Variants in CTSB observed in about 807,000 individuals in gnomAD.
CTSB encodes APP secretase.
CTSB carries 57 observed loss-of-function variants against 44.3 expected under a neutral mutation model. The ratio of observed to expected loss-of-function variants is 1.29; its 90% CI spans 1.04 to 1.60. The LOEUF (loss-of-function observed/expected upper bound fraction) is 1.60, where lower values mean the gene tolerates loss of function less well. Among genes scored for constraint, CTSB ranks in the 40% most tolerant of loss-of-function variants. The pLI is 0.00. For missense variants in CTSB, 768 were observed against 443.0 expected (o/e 1.73, Z -6.59); for synonymous variants, 320 against 168.0 (o/e 1.91, Z -7.00).
chr8:11,861,294 G>T (rs1217825995), intron 1 of CTSB: 1 of 152,350 alleles, frequency 6.6e-6, no homozygotes, highest in Non-Finnish European at 1.5e-5. Flanking sequence ...CAGCAGTGAT[G>T]CTCACCAGCC....
chr8:11,845,302 A>C, intron 9 of CTSB, 80 bp from the exon 10 acceptor site: 1 of 1,098,156 alleles, frequency 9.1e-7, no homozygotes, highest in Non-Finnish European at 1.4e-6. Flanking sequence ...AAAGACCTTA[A>C]GTCACTCATC....
At chr8:11,856,464 T>C (rs930476892) in intron 1 of CTSB, among the ~76,000 whole-genome samples, 5 of 152,056 alleles carry the variant, frequency 3.3e-5, no homozygotes, top group Non-Finnish European at 7.4e-5. Flanking sequence ...ATACAAAAAA[T>C]TAGCCAGGCG....
In CTSB at chr8:11,850,770, C is replaced by G. The variant is rs555703405; in HGVS notation, c.327+96G>C. The G allele has an allele frequency of 2.9e-5, 22 of 764,022 alleles. No individual in the cohort carries two copies. In the East Asian group the frequency reaches 5.8e-4, roughly 20 times the overall value. 47.3% of individuals were successfully genotyped at this position (764,022 alleles called of 1,614,324 possible). The stretch of plus-strand genomic sequence containing the variant: ...GACTCAGAAAGTTTCTATAACTTGC[C>G]TTGTCAGAGTTGTCCCCACCCCGAA... On this transcript the variant is annotated intron_variant, in intron 4 of 9. Transcript: ENST00000353047.
At chr8:11,861,623 A>G (rs191283512) in intron 1 of CTSB, 11 of 152,366 alleles carry the variant, frequency 7.2e-5, no homozygotes, top group Admixed American at 5.9e-4. Flanking sequence ...AAACAAGACA[A>G]TTTAGTCAAT....
chr8:11,848,638 T>C, intron 5 of CTSB: 1 of 305,686 alleles, frequency 3.3e-6, no homozygotes, highest in East Asian at 7.9e-5. Flanking sequence ...AAGGCGAGGC[T>C]GCAGGCAGCT....
intron 1 of CTSB, among the ~76,000 whole-genome samples, chr8:11,864,829 G>A (rs1228097795): frequency 2.0e-5 from 3 of 151,796 alleles, no homozygotes; most frequent in African/African-American, 7.3e-5. Context: ...CAGGAACATT[G>A]CTTGAACCTG....
intron 8 of CTSB, 112 bp downstream of exon 8, chr8:11,846,940 A>T: frequency 1.4e-6 from 1 of 719,442 alleles, no homozygotes; most frequent in Non-Finnish European, 2.5e-6. Flanking sequence ...CCTCTTCCCC[A>T]GCCCCTCACC....
intron 8 of CTSB, chr8:11,846,010 A>T: frequency 2.5e-6 from 1 of 396,840 alleles, no homozygotes; most frequent in Non-Finnish European, 4.4e-6. Context: ...ATATTGAAAT[A>T]GATTCCTACA....
intron 8 of CTSB, 83 bp from the exon 9 acceptor site, chr8:11,845,872 C>G: frequency 6.9e-7 from 1 of 1,456,850 alleles, no homozygotes; most frequent in Non-Finnish European, 9.1e-7. Flanking sequence ...GCTGGTCATG[C>G]TCCGGGAAGG....
Position 11,849,184 on chromosome 8 carries a change from C to A in CTSB, c.328-20G>T, listed in dbSNP as rs746704373. 2.5e-6 allele frequency: 4 copies of A among 1,601,900 alleles called. No homozygotes were observed. The highest frequency in any genetic ancestry group is 2.2e-5 in the South Asian group (2 of 90,658). ...GAAGGCCTGCAGGAACGAGCCCCAC[C>A]GGGTGAGGCTGCCATGTCCGGGCTG... On this transcript the variant is annotated intron_variant, in intron 4 of 9. Coordinates refer to ENST00000353047, the MANE Select transcript of CTSB (RefSeq NM_001908.5).
intron 1 of CTSB, chr8:11,862,416 C>G (rs570015889): frequency 5.3e-4 from 80 of 152,306 alleles, no homozygotes; most frequent in Middle Eastern, 3.4e-3. Context: ...AAAGCCATCT[C>G]CTTATACATA....
intron 3 of CTSB, among the ~76,000 whole-genome samples, chr8:11,851,377 A>G (rs969272662): frequency 1.3e-5 from 2 of 151,878 alleles, no homozygotes; most frequent in African/African-American, 2.4e-5. Flanking sequence ...TTTAGTAAAG[A>G]CAGGGTTTCA....
At position 11,843,408 on chromosome 8, in the gene CTSB, C is replaced by T. The variant is rs535474589; in HGVS notation, c.*1717G>A. 6.6e-6 allele frequency: 1 copy of T among 152,310 alleles called. No individual in the cohort carries two copies. The highest frequency in any genetic ancestry group is 2.4e-5 in the African/African-American group (1 of 41,558). The allele number at this position is 152,310 out of a possible 1,614,324, so 9.4% of individuals were successfully genotyped here. On this transcript the variant is annotated 3_prime_UTR_variant, in exon 10 of 10. Transcript: ENST00000353047. ...GGAAAGAGCTAGCCTCATACCACTT[C>T]AGTTGGGAAGGGGAGTACTGAGGTG...
At position 11,853,333 on chromosome 8, in the gene CTSB, C is replaced by T; in HGVS notation, c.122G>A (p.Trp41Ter). 1.9e-6 allele frequency: 3 copies of T among 1,613,378 alleles called. No homozygotes were observed. The highest frequency in any genetic ancestry group is 2.5e-6 in the Non-Finnish European group (3 of 1,179,850). Residue 41 changes from tryptophan to a stop codon, truncating the protein, a stop_gained, in exon 2 of 10, where the codon TGG (tryptophan) becomes TAG (stop). Transcript: ENST00000353047. LOFTEE classifies it high-confidence loss of function. ...VNYVNKRNTT[W>*]QAGHNFYNVD... Reference sequence around the variant, plus strand: ...GGACGCAGCCCCACAGCCTACCTGCCACGTGGTATTCCGTTTGTTGACATA... The same window carrying T: ...GGACGCAGCCCCACAGCCTACCTGCTACGTGGTATTCCGTTTGTTGACATA...
At chr8:11,847,987 T>G (rs1212300721) in intron 6 of CTSB, 80 bp downstream of exon 6, 4 of 1,400,168 alleles carry the variant, frequency 2.9e-6, no homozygotes, top group Admixed American at 3.8e-5. Context: ...ACCCCCAGTT[T>G]ATAAAGGCAA....
intron 9 of CTSB, 90 bp from the exon 10 acceptor site, chr8:11,845,312 C>T: frequency 3.0e-6 from 3 of 989,434 alleles, no homozygotes; most frequent in Non-Finnish European, 3.1e-6. Flanking sequence ...AGTCACTCAT[C>T]CCTGGCCACT....
At chr8:11,853,237 G>A in intron 2 of CTSB, 92 bp downstream of exon 2, 2 of 1,526,918 alleles carry the variant, frequency 1.3e-6, no homozygotes, top group Non-Finnish European at 1.8e-6. Flanking sequence ...TGTTCTGTGG[G>A]CCACAGTGAG....
At chr8:11,848,301 T>A in intron 5 of CTSB, 149 bp from the exon 6 acceptor site, 1 of 718,124 alleles carries the variant, frequency 1.4e-6, no homozygotes, top group East Asian at 2.7e-5. Flanking sequence ...CCCCAAACCC[T>A]CCAAGGGACG....
intron 5 of CTSB, chr8:11,848,600 C>A (rs548521337): frequency 9.2e-6 from 3 of 327,084 alleles, no homozygotes; most frequent in Admixed American, 4.0e-5. Flanking sequence ...GATCTGCAGC[C>A]GCCAGTGAAC....
Sources: gnomAD v4.1 joint callset for allele counts (sites outside exome capture counted in the v4.1 genomes callset) on GRCh38, gnomAD v4.1.1 for gene constraint, MANE v1.5 for transcripts, NCBI Gene and HGNC (gene_info 2026-07-23, HGNC 2026-07-21) for gene names.